MTAP: variants seen among roughly 807,000 people sequenced by gnomAD.
MTAP encodes the protein S-methyl-5'-thioadenosine phosphorylase.
A neutral mutation model predicts 33.6 loss-of-function variants in MTAP; 33 were observed. That is an observed-to-expected ratio of 0.98 (90% CI 0.74 to 1.31). MTAP has a LOEUF of 1.31. Ranked by LOEUF, MTAP falls within the 40% of genes most tolerant of loss-of-function variation. The pLI is 0.00. For missense variants in MTAP, 367 were observed against 360.0 expected (o/e 1.02, Z -0.16); for synonymous variants, 148 against 125.7 (o/e 1.18, Z -1.19).
intron 1 of MTAP, among the ~76,000 whole-genome samples, chr9:21,874,422 A>C (rs1327760403): frequency 6.6e-6 from 1 of 152,180 alleles, no homozygotes; most frequent in Non-Finnish European, 1.5e-5. Context: ...ATCAGGATCC[A>C]AGTAAAGTCT....
downstream of MTAP, among the ~76,000 whole-genome samples, chr9:21,938,565 A>G (rs1458917051): frequency 6.6e-6 from 1 of 152,194 alleles, no homozygotes; most frequent in Non-Finnish European, 1.5e-5. Context: ...AGTTTTCCAG[A>G]TGTTCTGTGA....
intron 1 of MTAP, among the ~76,000 whole-genome samples, chr9:21,919,116 C>A (rs1818743277): frequency 6.6e-6 from 1 of 152,138 alleles, no homozygotes; most frequent in South Asian, 2.1e-4. Flanking sequence ...ATAGTTTCAG[C>A]AGAGTGTTTA....
At chr9:21,814,647 C>G (rs1038785402) in intron 1 of MTAP, among the ~76,000 whole-genome samples, 4 of 152,078 alleles carry the variant, frequency 2.6e-5, no homozygotes, top group Non-Finnish European at 5.9e-5. Flanking sequence ...GTTTCTTTAA[C>G]TCAGACAAGG....
chr9:21,903,951 T>G (rs772591660), intron 1 of MTAP, among the ~76,000 whole-genome samples: 1 of 152,192 alleles, frequency 6.6e-6, no homozygotes, highest in Non-Finnish European at 1.5e-5. Flanking sequence ...CCCGGGTTCT[T>G]GCCTTGATGT....
intron 5 of MTAP, among the ~76,000 whole-genome samples, chr9:21,842,995 C>T (rs1341901462): frequency 6.6e-6 from 1 of 152,150 alleles, no homozygotes; most frequent in African/African-American, 2.4e-5. Context: ...AATCTACCAA[C>T]TAAGTATCTG....
At chr9:21,879,746 A>G (rs986388039) in intron 1 of MTAP, among the ~76,000 whole-genome samples, 1 of 152,066 alleles carries the variant, frequency 6.6e-6, no homozygotes, top group African/African-American at 2.4e-5. Flanking sequence ...AACTCCCTCA[A>G]CATTTGCTTA....
At chr9:21,844,819 G>T (rs1247739929) in intron 5 of MTAP, among the ~76,000 whole-genome samples, 2 of 152,114 alleles carry the variant, frequency 1.3e-5, no homozygotes, top group Non-Finnish European at 2.9e-5. Flanking sequence ...CGGATCACAA[G>T]GTCAGATCGA....
chr9:21,881,696 C>G (rs2118701317), intron 1 of MTAP, among the ~76,000 whole-genome samples: 1 of 152,016 alleles, frequency 6.6e-6, no homozygotes, highest in South Asian at 2.1e-4. Flanking sequence ...ACTTCACACC[C>G]ATTACAATGG....
chr9:21,899,494 A>G lies in MTAP; in HGVS notation c.148-31514A>G, dbSNP rs542614245. 3.2e-4 allele frequency among the ~76,000 whole-genome samples: 49 copies of G among 152,160 alleles called. No individual in the cohort carries two copies. In the South Asian group the frequency reaches 9.5e-3, roughly 30 times the overall value. ...ACTGCCCAAGATTGGGTAATTTATA[A>G]AGGAGAGAGGTTCAGTTGACTCACA... On this transcript the variant is annotated intron_variant, in intron 1 of 1. Transcript: ENST00000577563.
At chr9:21,883,324 CAAT>C (rs1384095014) in intron 1 of MTAP, among the ~76,000 whole-genome samples, 1 of 152,042 alleles carries the variant, frequency 6.6e-6, no homozygotes, top group Non-Finnish European at 1.5e-5. Flanking sequence ...TAAAACACCA[CAAT>C]GAGATACCTC....
chr9:21,833,762 A>T (rs565982216), intron 4 of MTAP, among the ~76,000 whole-genome samples: 3 of 152,320 alleles, frequency 2.0e-5, no homozygotes, highest in Admixed American at 2.0e-4. Context: ...CTGCCAGGGG[A>T]TGGGTGTTTG....
At chr9:21,870,672 T>C (rs945936782), downstream of MTAP, among the ~76,000 whole-genome samples, 2 of 151,896 alleles carry the variant, frequency 1.3e-5, no homozygotes, top group African/African-American at 4.8e-5. Context: ...GTTATGGAGA[T>C]GTAACATTTA....
intron 5 of MTAP, among the ~76,000 whole-genome samples, chr9:21,843,326 G>T (rs1481327086): frequency 1.3e-5 from 2 of 152,120 alleles, no homozygotes; most frequent in Non-Finnish European, 2.9e-5. Flanking sequence ...GGGCACTTAA[G>T]TACTCCACTG....
At chr9:21,838,254 G>C (rs1242508291) in intron 5 of MTAP, among the ~76,000 whole-genome samples, 1 of 152,132 alleles carries the variant, frequency 6.6e-6, no homozygotes, top group African/African-American at 2.4e-5. Flanking sequence ...TTTTGATTTT[G>C]CTATCTAGAT....
chr9:21,811,237 A>C (rs1220731404), intron 1 of MTAP, among the ~76,000 whole-genome samples: 1 of 152,184 alleles, frequency 6.6e-6, no homozygotes, highest in Non-Finnish European at 1.5e-5. Context: ...CCCAGGCCTC[A>C]AAGTGATGGT....
intron 5 of MTAP, among the ~76,000 whole-genome samples, chr9:21,852,707 GA>G (rs201258395): frequency 0.012 from 1,361 of 117,880 alleles, 8 homozygotes; most frequent in East Asian, 0.026. Context: ...CTATTGAAAT[GA>G]AAAAAAAAAA....
chr9:21,816,856 G>T (rs1824488439), intron 3 of MTAP, 84 bp downstream of exon 3: 2 of 1,157,218 alleles, frequency 1.7e-6, no homozygotes, highest in Non-Finnish European at 2.5e-6. Flanking sequence ...AAAGATACAG[G>T]TCTGAGCTTT....
rs1825861325 is a variant in MTAP at position 21,866,883 on chromosome 9, C to T, written c.*4869C>T. On this transcript the variant is annotated 3_prime_UTR_variant, in exon 8 of 8. Coordinates refer to ENST00000644715, the MANE Select transcript of MTAP (RefSeq NM_002451.4). ...TATTTGGGCCTTTTAAAATTTATCT[C>T]AGCAATATTTTGTAGTTTTAGTGAA... The T allele has an allele frequency of 6.6e-6, 1 of 152,084 alleles. No homozygotes were observed. Among genetic ancestry groups the T allele is most frequent in the Non-Finnish European group, 1.5e-5 (1 of 67,994 alleles). The allele number at this position is 152,084 out of a possible 1,614,324, so 9.4% of individuals were successfully genotyped here. A position where few individuals can be genotyped will look rare whatever the true frequency, so the allele number is the denominator to read the frequency against.
At chr9:21,825,001 C>T (rs1587215847) in intron 4 of MTAP, among the ~76,000 whole-genome samples, 1 of 152,282 alleles carries the variant, frequency 6.6e-6, no homozygotes, top group East Asian at 1.9e-4. Flanking sequence ...CCGTCTGTCA[C>T]CCCTTCCCTT....
Sources: allele counts gnomAD v4.1 joint callset (sites outside exome capture counted in the v4.1 genomes callset), GRCh38; gene constraint gnomAD v4.1.1; transcripts MANE v1.5; gene names NCBI Gene and HGNC (gene_info 2026-07-23, HGNC 2026-07-21).